KIF13B: variants seen among roughly 807,000 people sequenced by gnomAD.
KIF13B encodes kinesin-like protein KIF13B.
Under a neutral mutation model 222.0 loss-of-function variants are expected in KIF13B, and 127 were observed. The observed-to-expected ratio is 0.57, with a 90% CI of 0.50 to 0.66. The LOEUF (loss-of-function observed/expected upper bound fraction) is 0.66, where lower values mean the gene tolerates loss of function less well. Ranked by LOEUF, KIF13B falls within the 30% of genes least tolerant of loss-of-function variation. The pLI is 0.00. For missense variants in KIF13B, 2,173 were observed against 2,379.0 expected (o/e 0.91, Z 1.80); for synonymous variants, 976 against 919.0 (o/e 1.06, Z -1.12).
intron 2 of KIF13B, among the ~76,000 whole-genome samples, chr8:29,207,719 G>A (rs1292580150): frequency 6.6e-6 from 1 of 152,000 alleles, no homozygotes; most frequent in Non-Finnish European, 1.5e-5. Flanking sequence ...CAGAGATGGA[G>A]AAAAACAGAA....
At chr8:29,102,870 C>G (rs566560446) in intron 35 of KIF13B, among the ~76,000 whole-genome samples, 2 of 152,242 alleles carry the variant, frequency 1.3e-5, no homozygotes, top group South Asian at 4.1e-4. Context: ...CTCAAAAACT[C>G]CAATCAAAAG....
intron 1 of KIF13B, chr8:29,249,986 T>G: frequency 7.8e-7 from 1 of 1,275,076 alleles, no homozygotes; most frequent in Non-Finnish European, 1.0e-6. Flanking sequence ...CAATTTTACC[T>G]CTTCACTTCC....
chr8:29,098,470 G>A (rs900875662), intron 36 of KIF13B, among the ~76,000 whole-genome samples: 1 of 151,712 alleles, frequency 6.6e-6, no homozygotes, highest in Non-Finnish European at 1.5e-5. Flanking sequence ...AGGCGTGGTG[G>A]TGGGCGCCTG....
chr8:29,191,347 G>A (rs150694591), intron 3 of KIF13B, among the ~76,000 whole-genome samples: 116 of 147,998 alleles, frequency 7.8e-4, no homozygotes, highest in African/African-American at 2.8e-3. Context: ...TTTTTGCAGC[G>A]AAATTAGTGA....
At position 29,133,986 on chromosome 8, in the gene KIF13B, T is replaced by C; in HGVS notation, c.2784+54A>G. 5 of 1,519,344 alleles carry C rather than the reference T, an allele frequency of 3.3e-6. No individual in the cohort carries two copies. In the South Asian group the frequency reaches 6.0e-5, roughly 18 times the overall value. 94.1% of individuals were successfully genotyped at this position (1,519,344 alleles called of 1,614,324 possible). A position where few individuals can be genotyped will look rare whatever the true frequency, so the allele number is the denominator to read the frequency against. On this transcript the variant is annotated intron_variant, in intron 22 of 39. Coordinates refer to ENST00000524189, the MANE Select transcript of KIF13B (RefSeq NM_015254.4). ...CAAAGAAACAAGGTTCATTTTCTGT[T>C]TTGTTTTCACATGAGTAATCTAAAT...
At chr8:29,225,226 C>A (rs1046836702) in intron 2 of KIF13B, among the ~76,000 whole-genome samples, 7 of 152,164 alleles carry the variant, frequency 4.6e-5, no homozygotes, top group Non-Finnish European at 7.3e-5. Flanking sequence ...GGCACAGAAG[C>A]TTTTTCCGCA....
chr8:29,093,374 G>A (rs192087878), intron 36 of KIF13B, among the ~76,000 whole-genome samples: 1 of 152,298 alleles, frequency 6.6e-6, no homozygotes, highest in Non-Finnish European at 1.5e-5. Flanking sequence ...TGTTTGAGTT[G>A]TTTGTTAAAA....
intron 2 of KIF13B, among the ~76,000 whole-genome samples, chr8:29,236,261 A>C (rs577635492): frequency 3.6e-4 from 55 of 152,364 alleles, no homozygotes; most frequent in African/African-American, 1.3e-3. Context: ...TTATGTTTAC[A>C]AATAATAAAA....
intron 13 of KIF13B, among the ~76,000 whole-genome samples, chr8:29,157,430 C>T (rs1005050485): frequency 2.7e-5 from 4 of 145,680 alleles, no homozygotes; most frequent in Middle Eastern, 3.8e-3. Context: ...TGGCCAGGTG[C>T]GGTGGCTCAT....
At chr8:29,159,598 C>G (rs909321106) in intron 13 of KIF13B, among the ~76,000 whole-genome samples, 15 of 152,186 alleles carry the variant, frequency 9.9e-5, no homozygotes, top group African/African-American at 3.6e-4. Flanking sequence ...CTCACAGGAA[C>G]CTGGCAAAGT....
chr8:29,092,353 G>C (rs925854441), intron 37 of KIF13B, among the ~76,000 whole-genome samples: 1 of 152,166 alleles, frequency 6.6e-6, no homozygotes, highest in Non-Finnish European at 1.5e-5. Flanking sequence ...GAGGTTGAGA[G>C]GGAAGGGCAC....
intron 19 of KIF13B, 142 bp downstream of exon 19, chr8:29,142,015 T>C (rs1810838988): frequency 1.8e-6 from 1 of 568,852 alleles, no homozygotes; most frequent in Non-Finnish European, 3.1e-6. Context: ...CTAAACAATT[T>C]AGGGGATTAA....
rs1186504270 is a variant in KIF13B, at chr8:29,071,504, G to T, written c.5218+116C>A. ...CCGCTCCCGCAGCTTCAGCCAAGCC[G>T]CTGCCTCCCGGCCCCTCCCTCTCCT... is the stretch of plus-strand genomic sequence containing the variant. On this transcript the variant is annotated intron_variant, in intron 39 of 39. Transcript: ENST00000524189. The surrounding 1 kb of genome is among the most constrained non-coding windows in gnomAD (Gnocchi z 4.9). 4 of 932,958 alleles carry T rather than the reference G, an allele frequency of 4.3e-6. No homozygotes were observed. The East Asian group carries it at 8.0e-5, about 19-fold the overall frequency. 57.8% of individuals were successfully genotyped at this position (932,958 alleles called of 1,614,324 possible). A position where few individuals can be genotyped will look rare whatever the true frequency, so the allele number is the denominator to read the frequency against.
Position 29,140,495 on chromosome 8 carries a change from A to G in KIF13B, c.2457T>C (p.Ala819=), listed in dbSNP as rs763692879. The part of the protein sequence containing the change: ...SLFYDVKLQY[A]VPIINQKGEV... ...CTCCTTTCTGGTTGATGATGGGAACAGCGTATTGTAACTTCACATCATAGA... is the reference window on the plus strand; with the variant it reads ...CTCCTTTCTGGTTGATGATGGGAACGGCGTATTGTAACTTCACATCATAGA... The change falls in exon 20 of 40, where the codon GCT becomes GCC. Residue 819 remains alanine (A), a synonymous_variant. Transcript: ENST00000524189. 1 of 1,613,946 alleles carries G rather than the reference A, an allele frequency of 6.2e-7. No homozygotes were observed. The highest frequency in any genetic ancestry group is 8.5e-7 in the Non-Finnish European group (1 of 1,179,816).
chr8:29,218,398 A>G (rs1201064749), intron 2 of KIF13B, among the ~76,000 whole-genome samples: 2 of 152,334 alleles, frequency 1.3e-5, no homozygotes, highest in Middle Eastern at 3.4e-3. Flanking sequence ...CTCTGTCAAC[A>G]TCTTGTCCTT....
intron 6 of KIF13B, among the ~76,000 whole-genome samples, chr8:29,183,403 C>T (rs964520478): frequency 1.3e-5 from 2 of 152,108 alleles, no homozygotes; most frequent in East Asian, 3.9e-4. Context: ...CTGCCCGCCT[C>T]AGCCTCCCAA....
chr8:29,094,564 A>C (rs996044838), intron 36 of KIF13B, among the ~76,000 whole-genome samples: 4 of 152,262 alleles, frequency 2.6e-5, no homozygotes, highest in African/African-American at 9.6e-5. Flanking sequence ...GGCTGACCAC[A>C]GGGAATGGGA....
chr8:29,172,482 A>G (rs1396698781), intron 10 of KIF13B, among the ~76,000 whole-genome samples: 1 of 152,260 alleles, frequency 6.6e-6, no homozygotes. Context: ...TAAATTAACT[A>G]AACAGCAGAT....
chr8:29,077,762 G>A (rs1408005872), intron 37 of KIF13B, among the ~76,000 whole-genome samples: 1 of 152,156 alleles, frequency 6.6e-6, no homozygotes, highest in Non-Finnish European at 1.5e-5. Flanking sequence ...TGGATTCAGG[G>A]ACTCGACTGA....
Sources: gnomAD v4.1 joint callset for allele counts (sites outside exome capture counted in the v4.1 genomes callset) on GRCh38, gnomAD v4.1.1 for gene constraint, Gnocchi (gnomAD v3.1) non-coding constraint, MANE v1.5 for transcripts, NCBI Gene and HGNC (gene_info 2026-07-23, HGNC 2026-07-21) for gene names.